AMMECR1: variants seen among roughly 807,000 people sequenced by gnomAD.
The protein encoded by AMMECR1 is nuclear protein AMMECR1.
Under a neutral mutation model 22.5 loss-of-function variants are expected in AMMECR1, and 3 were observed. The observed-to-expected ratio is 0.13, with a 90% CI of 0.06 to 0.35. AMMECR1 has a LOEUF of 0.35. AMMECR1 is among the 10% of genes least tolerant of loss of function. The pLI, the probability that AMMECR1 is intolerant of heterozygous loss-of-function variation, is 1.00. For synonymous variants in AMMECR1, 130 were observed against 116.7 expected (o/e 1.11, Z -0.74); for missense variants, 235 against 278.7 (o/e 0.84, Z 1.12).
chrX:110,320,205 G>C (rs960572206), upstream of AMMECR1, among the ~76,000 whole-genome samples: 1 of 112,145 alleles, frequency 8.9e-6, no homozygotes, highest in African/African-American at 3.2e-5. Context: ...CTATGTTACA[G>C]AAGAGAAAGC....
chrX:110,299,868 C>A (rs1015836425), intron 1 of AMMECR1, among the ~76,000 whole-genome samples: 2 of 112,179 alleles, frequency 1.8e-5, no homozygotes, highest in Non-Finnish European at 3.8e-5. Flanking sequence ...TTGCAAATGG[C>A]AGGATTCCCT....
chrX:110,260,636 G>T (rs1224516951), intron 2 of AMMECR1, among the ~76,000 whole-genome samples: 1 of 111,164 alleles, frequency 9.0e-6, no homozygotes. Flanking sequence ...TTTAAGAAAG[G>T]TTTTAGAGTT....
chrX:110,428,698 T>C (rs1261265796), intron 1 of AMMECR1, among the ~76,000 whole-genome samples: 1 of 110,860 alleles, frequency 9.0e-6, no homozygotes, highest in African/African-American at 3.3e-5. Flanking sequence ...GCAGGGCAAA[T>C]ATCAAAGTGG....
intron 1 of AMMECR1, among the ~76,000 whole-genome samples, chrX:110,311,685 A>T (rs1230145385): frequency 8.9e-6 from 1 of 112,322 alleles, no homozygotes; most frequent in South Asian, 3.7e-4. Flanking sequence ...CCACCCAACC[A>T]ACTATACTAT....
upstream of AMMECR1, chrX:110,318,287 C>G (rs908895979): frequency 8.5e-6 from 1 of 117,587 alleles, no homozygotes; most frequent in African/African-American, 3.3e-5. Context: ...GGGCGCCTCG[C>G]GCCTGTCCCG....
At chrX:110,419,103 T>A (rs986773813) in intron 2 of AMMECR1, 1 of 112,294 alleles carries the variant, frequency 8.9e-6, no homozygotes, top group African/African-American at 3.2e-5. Flanking sequence ...TTCTACAACA[T>A]ATGGAGCGCC....
At chrX:110,345,705 A>T (rs1053638915) in intron 2 of AMMECR1, among the ~76,000 whole-genome samples, 1 of 110,100 alleles carries the variant, frequency 9.1e-6, no homozygotes, top group Admixed American at 9.7e-5. Flanking sequence ...AAGCCTGCCC[A>T]TGTGTTCCCT....
chrX:110,317,551 C>T, intron 1 of AMMECR1, 48 bp downstream of exon 1: 1 of 1,122,021 alleles, frequency 8.9e-7, no homozygotes, highest in Non-Finnish European at 1.2e-6. Context: ...CAACTCTGAG[C>T]CCCATCCCGA....
At chrX:110,208,798 G>C (rs1386495837) in intron 3 of AMMECR1, among the ~76,000 whole-genome samples, 1 of 111,421 alleles carries the variant, frequency 9.0e-6, no homozygotes, top group African/African-American at 3.3e-5. Context: ...ATTTTGCAGA[G>C]AACAAGTGAC....
chrX:110,361,995 T>A (rs1356983732), intron 2 of AMMECR1, among the ~76,000 whole-genome samples: 2 of 112,071 alleles, frequency 1.8e-5, no homozygotes, highest in Non-Finnish European at 3.8e-5. Flanking sequence ...TACTGACCCC[T>A]GCTAGAATGT....
chrX:110,350,426 A>G lies in AMMECR1; in HGVS notation c.-147-32577T>C, dbSNP rs1471274970. Among the ~76,000 whole-genome samples the G allele has an allele frequency of 2.7e-5, 3 of 111,711 alleles. No homozygotes were observed. The East Asian group carries it at 8.4e-4, about 31-fold the overall frequency. On this transcript the variant is annotated intron_variant, in intron 2 of 7. Coordinates refer to the AMMECR1 transcript ENST00000372057. ...TTCACTCACCCCACTTCTACCTAAC[A>G]CTGTACTGGAAGTTCTCAACAGGGC...
intron 2 of AMMECR1, among the ~76,000 whole-genome samples, chrX:110,383,995 C>T (rs1243504058): frequency 1.8e-5 from 2 of 112,081 alleles, no homozygotes; most frequent in African/African-American, 6.5e-5. Context: ...ACTTGTAAAA[C>T]CTTTAGAACA....
intron 2 of AMMECR1, among the ~76,000 whole-genome samples, chrX:110,334,084 T>C (rs2068131996): frequency 8.9e-6 from 1 of 112,185 alleles, no homozygotes; most frequent in Non-Finnish European, 1.9e-5. Context: ...AATGTTTCTT[T>C]TTATTTCATG....
intron 2 of AMMECR1, among the ~76,000 whole-genome samples, chrX:110,238,935 C>T (rs886556864): frequency 1.8e-5 from 2 of 111,967 alleles, no homozygotes; most frequent in Non-Finnish European, 3.8e-5. Flanking sequence ...CAGCAAACTC[C>T]ACCAGACCTG....
chrX:110,325,342 AAATT>A (rs1351846252), intron 2 of AMMECR1, among the ~76,000 whole-genome samples: 1 of 111,918 alleles, frequency 8.9e-6, no homozygotes, highest in Non-Finnish European at 1.9e-5. Flanking sequence ...AATGTACAAT[AAATT>A]ATTGTTGACT....
At chrX:110,215,588 T>A in intron 3 of AMMECR1, among the ~76,000 whole-genome samples, 1 of 112,090 alleles carries the variant, frequency 8.9e-6, no homozygotes, top group Non-Finnish European at 1.9e-5. Context: ...ATAATGCCAT[T>A]TATGAGTGTA....
intron 2 of AMMECR1, among the ~76,000 whole-genome samples, chrX:110,220,079 A>T (rs2067493195): frequency 8.9e-6 from 1 of 111,865 alleles, no homozygotes; most frequent in African/African-American, 3.2e-5. Context: ...CTCTCTTTAG[A>T]ATATGCAATG....
chrX:110,226,808 G>A (rs1163991039), intron 2 of AMMECR1, among the ~76,000 whole-genome samples: 1 of 111,825 alleles, frequency 8.9e-6, no homozygotes, highest in Admixed American at 9.4e-5. Context: ...TTAACTGAAA[G>A]TATTAAGTAT....
intron 2 of AMMECR1, among the ~76,000 whole-genome samples, chrX:110,426,213 C>T (rs774667910): frequency 5.3e-5 from 6 of 112,434 alleles, no homozygotes; most frequent in South Asian, 7.4e-4. Context: ...GATTAATCAT[C>T]GATTCAGCCA....
Sources: allele counts gnomAD v4.1 joint callset (sites outside exome capture counted in the v4.1 genomes callset), GRCh38; gene constraint gnomAD v4.1.1; transcripts MANE v1.5; gene names NCBI Gene and HGNC (gene_info 2026-07-23, HGNC 2026-07-21).